The following EPHA4 variants were observed in gnomAD, a reference collection of about 807,000 sequenced individuals.
The protein encoded by EPHA4 is ephrin type-A receptor 4.
In EPHA4, 19 loss-of-function variants were observed where a neutral mutation model predicts 108.3. The ratio of observed to expected loss-of-function variants is 0.18; its 90% CI spans 0.12 to 0.26. The LOEUF is 0.26. Among genes scored for constraint, EPHA4 ranks in the 10% least tolerant of loss-of-function variants. The pLI is 1.00. For synonymous variants in EPHA4, 449 were observed against 455.5 expected (o/e 0.99, Z 0.18); for missense variants, 917 against 1,254.0 (o/e 0.73, Z 4.06).
At chr2:221,530,810 G>A (rs1371892796) in intron 3 of EPHA4, among the ~76,000 whole-genome samples, 4 of 152,114 alleles carry the variant, frequency 2.6e-5, no homozygotes, top group Non-Finnish European at 4.4e-5. Flanking sequence ...TGCTTTTTCA[G>A]TCCAAAAATC....
intron 5 of EPHA4, among the ~76,000 whole-genome samples, chr2:221,477,052 A>T (rs977740744): frequency 6.6e-6 from 1 of 150,710 alleles, no homozygotes; most frequent in African/African-American, 2.4e-5. Flanking sequence ...TTATTTTATT[A>T]TTATTATTAT....
chr2:221,421,135 A>C (rs1461332722), intron 17 of EPHA4, among the ~76,000 whole-genome samples: 1 of 152,110 alleles, frequency 6.6e-6, no homozygotes, highest in Non-Finnish European at 1.5e-5. Context: ...GTCTCTACTA[A>C]AAATACAAAA....
intron 2 of EPHA4, among the ~76,000 whole-genome samples, chr2:221,565,883 C>T (rs1298539936): frequency 6.6e-6 from 1 of 152,174 alleles, no homozygotes; most frequent in Non-Finnish European, 1.5e-5. Flanking sequence ...TGGAAAAACA[C>T]ATTTGTCAAT....
At chr2:221,478,987 C>T (rs940528027) in intron 5 of EPHA4, among the ~76,000 whole-genome samples, 16 of 152,298 alleles carry the variant, frequency 1.1e-4, no homozygotes, top group South Asian at 8.3e-4. Context: ...TTATTAACCC[C>T]CTAAGACCCC....
chr2:221,506,513 T>C (rs1692635400), intron 3 of EPHA4, among the ~76,000 whole-genome samples: 1 of 152,176 alleles, frequency 6.6e-6, no homozygotes, highest in Non-Finnish European at 1.5e-5. Flanking sequence ...ACACAGACAA[T>C]ATGGCTTAAA....
At chr2:221,502,108 T>C (rs1692506483) in intron 3 of EPHA4, among the ~76,000 whole-genome samples, 1 of 152,136 alleles carries the variant, frequency 6.6e-6, no homozygotes, top group Non-Finnish European at 1.5e-5. Flanking sequence ...ACTGTCATCA[T>C]ACTGACACTA....
intron 4 of EPHA4, among the ~76,000 whole-genome samples, chr2:221,483,112 A>G (rs1306585901): frequency 6.6e-6 from 1 of 152,252 alleles, no homozygotes. Flanking sequence ...AAGGTAAATT[A>G]TAATTCCTAA....
In EPHA4 at chr2:221,482,537, C is replaced by T. The variant is rs752271799; in HGVS notation, c.1133G>A (p.Arg378Gln). 64 of 1,613,884 alleles carry T rather than the reference C, an allele frequency of 4.0e-5. No homozygotes were observed. Among genetic ancestry groups the T allele is most frequent in the Non-Finnish European group, 5.1e-5 (60 of 1,179,984 alleles). Reference sequence around the variant, plus strand: ...GTAGTGGACCCCACTTCCACAGGGTCGGCACTTGCTGGGGTCACCAGCTCC... The same window carrying T: ...GTAGTGGACCCCACTTCCACAGGGTTGGCACTTGCTGGGGTCACCAGCTCC... ...KCGAGDPSKC[R>Q]PCGSGVHYTP... The change falls in exon 5 of 18, where the codon CGA becomes CAA. Residue 378 changes from arginine to glutamine, a missense_variant. By Grantham distance (43) the Arg-to-Gln change is conservative. Around this residue, in one of 3 missense-constraint regions of EPHA4, gnomAD observed 758 missense variants for 1,076.7 expected, o/e 0.70. Transcript: ENST00000281821.
chr2:221,463,087 A>G (rs1248256633), intron 5 of EPHA4, among the ~76,000 whole-genome samples: 3 of 152,192 alleles, frequency 2.0e-5, no homozygotes, highest in Admixed American at 1.3e-4. Context: ...ACAGCCACCA[A>G]TGGACATAAA....
At chr2:221,420,764 A>G (rs1213539061) in intron 17 of EPHA4, among the ~76,000 whole-genome samples, 1 of 152,168 alleles carries the variant, frequency 6.6e-6, no homozygotes, top group East Asian at 1.9e-4. Flanking sequence ...CAGCTTAATT[A>G]CAACTCCGAG....
chr2:221,563,576 C>T (rs1694530736), intron 3 of EPHA4, among the ~76,000 whole-genome samples, 155 bp downstream of exon 3: 1 of 152,194 alleles, frequency 6.6e-6, no homozygotes, highest in Non-Finnish European at 1.5e-5. Flanking sequence ...CTTAGCTTTG[C>T]CACCTGGAGC....
chr2:221,438,878 G>C (rs1019489747), intron 11 of EPHA4, among the ~76,000 whole-genome samples: 1 of 152,052 alleles, frequency 6.6e-6, no homozygotes, highest in African/African-American at 2.4e-5. Flanking sequence ...CTATTTCACC[G>C]CTGAAAAGCA....
chr2:221,441,723 G>C (rs548988011), intron 11 of EPHA4, among the ~76,000 whole-genome samples: 1 of 152,100 alleles, frequency 6.6e-6, no homozygotes, highest in Non-Finnish European at 1.5e-5. Flanking sequence ...GCTCCTGCAG[G>C]TGCTAAACTG....
intron 2 of EPHA4, among the ~76,000 whole-genome samples, chr2:221,568,074 T>C (rs1694723588): frequency 6.6e-6 from 1 of 152,232 alleles, no homozygotes; most frequent in Non-Finnish European, 1.5e-5. Context: ...AATGAAGTGA[T>C]GCTTTTTTCA....
intron 3 of EPHA4, among the ~76,000 whole-genome samples, chr2:221,548,108 G>A (rs963576765): frequency 6.6e-6 from 1 of 152,190 alleles, no homozygotes; most frequent in Non-Finnish European, 1.5e-5. Flanking sequence ...CATGGGGGCA[G>A]ATCTTTCATG....
At chr2:221,445,733 C>G (rs1690574658) in intron 9 of EPHA4, among the ~76,000 whole-genome samples, 1 of 152,046 alleles carries the variant, frequency 6.6e-6, no homozygotes, top group Non-Finnish European at 1.5e-5. Context: ...TCACATATAG[C>G]CATTCCCTGG....
chr2:221,559,163 T>C (rs945562873), intron 3 of EPHA4, among the ~76,000 whole-genome samples: 9 of 152,244 alleles, frequency 5.9e-5, no homozygotes, highest in Admixed American at 3.3e-4. Context: ...TTTGTTGATA[T>C]GAGTACATTT....
chr2:221,490,646 A>G (rs1692112500), intron 4 of EPHA4, among the ~76,000 whole-genome samples: 2 of 152,214 alleles, frequency 1.3e-5, no homozygotes, highest in Non-Finnish European at 2.9e-5. Flanking sequence ...TGGACTGTCA[A>G]TAGCACTTCA....
At chr2:221,499,715 A>ACT (rs1322169477) in intron 4 of EPHA4, among the ~76,000 whole-genome samples, 3 of 48,452 alleles carry the variant, frequency 6.2e-5, no homozygotes, top group Non-Finnish European at 1.0e-4. Context: ...AACTAAAACT[A>ACT]ATATATATAT....
Sources: gnomAD v4.1 joint callset for allele counts (sites outside exome capture counted in the v4.1 genomes callset) on GRCh38, gnomAD v4.1.1 for gene constraint, gnomAD v4.1.1 regional missense constraint, MANE v1.5 for transcripts, NCBI Gene and HGNC (gene_info 2026-07-23, HGNC 2026-07-21) for gene names.